IL1RAPL1: variants seen among roughly 807,000 people sequenced by gnomAD.
IL1RAPL1 encodes the protein interleukin-1 receptor accessory protein-like 1.
In IL1RAPL1, 3 loss-of-function variants were observed where a neutral mutation model predicts 48.4. The observed-to-expected ratio is 0.06, with a 90% CI of 0.03 to 0.16. The LOEUF (loss-of-function observed/expected upper bound fraction) is 0.16. IL1RAPL1 is among the 10% of genes least tolerant of loss of function. IL1RAPL1 has a pLI of 1.00. For synonymous variants in IL1RAPL1, 185 were observed against 187.7 expected (o/e 0.99, Z 0.12); for missense variants, 349 against 530.6 (o/e 0.66, Z 3.36).
At chrX:28,962,457 A>T (rs1924804328) in intron 2 of IL1RAPL1, among the ~76,000 whole-genome samples, 1 of 111,489 alleles carries the variant, frequency 9.0e-6, no homozygotes, top group Non-Finnish European at 1.9e-5. Context: ...TTGGCATTTG[A>T]GACCCAGAAT....
chrX:29,801,076 A>AAAAAAAAAAAAAAAAAAAAAC (rs1569172133), intron 6 of IL1RAPL1, among the ~76,000 whole-genome samples: 5 of 87,013 alleles, frequency 5.7e-5, no homozygotes, highest in African/African-American at 2.2e-4. Flanking sequence ...AAAAAAAAAA[A>AAAAAAAAAAAAAAAAAAAAAC]AAAACTCATC....
At chrX:29,674,606 G>T (rs1317414290) in intron 6 of IL1RAPL1, among the ~76,000 whole-genome samples, 2 of 111,598 alleles carry the variant, frequency 1.8e-5, no homozygotes, top group African/African-American at 6.5e-5. Context: ...GGGCACATTT[G>T]TAGGTTTGTT....
chrX:29,176,162 C>T (rs1930015524), intron 2 of IL1RAPL1, among the ~76,000 whole-genome samples: 1 of 99,849 alleles, frequency 1.0e-5, no homozygotes. Context: ...GGTGCGATCT[C>T]GGCTCACTAC....
At chrX:29,244,348 T>C (rs1376408373) in intron 2 of IL1RAPL1, among the ~76,000 whole-genome samples, 2 of 112,343 alleles carry the variant, frequency 1.8e-5, no homozygotes, top group East Asian at 5.6e-4. Context: ...CTCAAAGCAC[T>C]TGAACAAAGT....
intron 3 of IL1RAPL1, among the ~76,000 whole-genome samples, chrX:29,309,245 G>C (rs1306123822): frequency 9.0e-6 from 1 of 111,524 alleles, no homozygotes; most frequent in Non-Finnish European, 1.9e-5. Flanking sequence ...TGAAATGAAA[G>C]GCAGGAGAGG....
intron 2 of IL1RAPL1, among the ~76,000 whole-genome samples, chrX:29,279,957 C>A (rs1033137222): frequency 1.8e-5 from 2 of 111,360 alleles, no homozygotes; most frequent in Non-Finnish European, 3.8e-5. Context: ...TTCTGAGACT[C>A]GAATAATTTT....
chrX:29,939,019 GAATA>G (rs1366989194), intron 8 of IL1RAPL1, among the ~76,000 whole-genome samples: 1 of 112,188 alleles, frequency 8.9e-6, no homozygotes, highest in Non-Finnish European at 1.9e-5. Flanking sequence ...TGGCTGCTGT[GAATA>G]AATAAGACTA....
chrX:29,907,322 T>C (rs113435178), intron 6 of IL1RAPL1, among the ~76,000 whole-genome samples: 4,095 of 108,611 alleles, frequency 0.038, 172 homozygotes, highest in African/African-American at 0.13. Context: ...ATTTTACTAA[T>C]TATAAATTTA....
intron 2 of IL1RAPL1, among the ~76,000 whole-genome samples, chrX:28,976,512 G>A (rs1925211619): frequency 9.0e-6 from 1 of 111,706 alleles, no homozygotes; most frequent in Non-Finnish European, 1.9e-5. Flanking sequence ...AGATAAGGGG[G>A]AAGGTCAGGA....
At position 29,028,277 on chromosome X, in the gene IL1RAPL1, CTGTTTTTTTTGTT is replaced by C. The variant is rs1266920003; in HGVS notation, c.82+238863_82+238875del. Among the ~76,000 whole-genome samples the C allele has an allele frequency of 1.5e-4, 16 of 105,065 alleles. No homozygotes were observed. In the East Asian group the frequency reaches 4.8e-3, roughly 32 times the overall value. 91.2% of individuals were successfully genotyped at this position (105,065 alleles called of 115,157 possible). On this transcript the variant is annotated intron_variant, in intron 2 of 10. Coordinates refer to ENST00000378993, the MANE Select transcript of IL1RAPL1 (RefSeq NM_014271.4). ...CTGGTAGGCACCATTTTACGCCCTA[CTGTTTTTTTTGTT>C]TGTTTTTTTTTTTTTTTTTTGAGAC...
At position 29,168,555 on chromosome X, in the gene IL1RAPL1, G is replaced by GTATATATATATA. The variant is rs751368369; in HGVS notation, c.83-114378_83-114367dup. ...TTTTATGGCTGAATAGTATTCAATT[G>GTATATATATATA]TATATATATATATATACACACACAA... is the stretch of plus-strand genomic sequence containing the variant. On this transcript the variant is annotated intron_variant, in intron 2 of 10. Transcript: ENST00000378993. Among the ~76,000 whole-genome samples, 343 of 52,479 alleles carry GTATATATATATA rather than the reference G, an allele frequency of 6.5e-3. 28 individuals are homozygous for GTATATATATATA. The highest frequency in any genetic ancestry group is 0.012 in the Non-Finnish European group (277 of 23,952). The allele number at this position is 52,479 out of a possible 115,157, so 45.6% of individuals were successfully genotyped here.
chrX:29,062,498 T>C (rs763197950), intron 2 of IL1RAPL1, among the ~76,000 whole-genome samples: 7 of 112,199 alleles, frequency 6.2e-5, no homozygotes, highest in African/African-American at 1.9e-4. Context: ...TTCTAGAATA[T>C]GGATATTGCA....
At chrX:29,912,424 G>A (rs927900487) in intron 6 of IL1RAPL1, among the ~76,000 whole-genome samples, 1 of 111,973 alleles carries the variant, frequency 8.9e-6, no homozygotes, top group Non-Finnish European at 1.9e-5. Flanking sequence ...CTGGTAATAC[G>A]AAGGTAAATA....
chrX:28,728,054 A>G (rs952983018), intron 1 of IL1RAPL1, among the ~76,000 whole-genome samples: 1 of 111,326 alleles, frequency 9.0e-6, no homozygotes, highest in African/African-American at 3.3e-5. Flanking sequence ...CATGTACCCT[A>G]AAACTTAAAG....
chrX:29,010,172 G>A (rs1388793007), intron 2 of IL1RAPL1, among the ~76,000 whole-genome samples: 1 of 111,742 alleles, frequency 8.9e-6, no homozygotes, highest in Non-Finnish European at 1.9e-5. Flanking sequence ...CTTCTAGGTA[G>A]AGGACCATAT....
At chrX:29,659,527 G>A (rs183612982) in intron 5 of IL1RAPL1, among the ~76,000 whole-genome samples, 3 of 112,126 alleles carry the variant, frequency 2.7e-5, no homozygotes, top group Non-Finnish European at 5.6e-5. Context: ...ACTTTTCTCT[G>A]CAGCCTCTCC....
At chrX:29,947,686 A>G (rs758518179) in intron 9 of IL1RAPL1, among the ~76,000 whole-genome samples, 1 of 106,670 alleles carries the variant, frequency 9.4e-6, no homozygotes, top group Non-Finnish European at 1.9e-5. Flanking sequence ...TATTGTCCTC[A>G]TGTCCATCAG....
chrX:28,704,469 C>A (rs905210503), intron 1 of IL1RAPL1, among the ~76,000 whole-genome samples: 36 of 103,240 alleles, frequency 3.5e-4, no homozygotes, highest in Non-Finnish European at 6.1e-4. Context: ...TGCACACACA[C>A]CCACAGTTTC....
chrX:29,057,662 C>T, intron 2 of IL1RAPL1, among the ~76,000 whole-genome samples: 1 of 111,095 alleles, frequency 9.0e-6, no homozygotes, highest in Non-Finnish European at 1.9e-5. Context: ...CTCTTGACCC[C>T]AGGTGATCCG....
Sources: gnomAD v4.1 joint callset for allele counts (sites outside exome capture counted in the v4.1 genomes callset) on GRCh38, gnomAD v4.1.1 for gene constraint, MANE v1.5 for transcripts, NCBI Gene and HGNC (gene_info 2026-07-23, HGNC 2026-07-21) for gene names.